Variants in CELF4 observed in about 807,000 individuals in gnomAD.
CELF4 encodes the protein CUG-BP- and ETR-3-like factor 4.
CELF4 carries 18 observed loss-of-function variants against 59.9 expected under a neutral mutation model. That is an observed-to-expected ratio of 0.30 (90% CI 0.21 to 0.45). The LOEUF is 0.45. Ranked by LOEUF, CELF4 falls within the 20% of genes least tolerant of loss-of-function variation. CELF4 has a pLI of 1.00. For missense variants in CELF4, 456 were observed against 689.0 expected (o/e 0.66, Z 3.79); for synonymous variants, 261 against 267.1 (o/e 0.98, Z 0.22).
At chr18:37,401,816 C>T (rs1180565729) in intron 2 of CELF4, among the ~76,000 whole-genome samples, 1 of 152,198 alleles carries the variant, frequency 6.6e-6, no homozygotes, top group Non-Finnish European at 1.5e-5. Flanking sequence ...TCTCACTTCC[C>T]TAGGGGCTGC....
At chr18:37,541,633 C>A (rs1040730334) in intron 1 of CELF4, among the ~76,000 whole-genome samples, 1 of 152,148 alleles carries the variant, frequency 6.6e-6, no homozygotes, top group Non-Finnish European at 1.5e-5. Context: ...CTGATACAAC[C>A]TGCCCCCACC....
intron 2 of CELF4, among the ~76,000 whole-genome samples, chr18:37,431,878 C>T (rs1443026743): frequency 6.6e-6 from 1 of 152,206 alleles, no homozygotes; most frequent in Non-Finnish European, 1.5e-5. Context: ...AAACTGAGGT[C>T]CCAGGAGGCA....
In CELF4 at chr18:37,444,183, C is replaced by G. The variant is rs537688676; in HGVS notation, c.369+41342G>C. On this transcript the variant is annotated intron_variant, in intron 2 of 12. Transcript: ENST00000420428. ...CCAAGTTCCTACTATGTGTGAGACCCTGACCCTGAGCCCATTCTCTTGACC... is the reference window on the plus strand; with the variant it reads ...CCAAGTTCCTACTATGTGTGAGACCGTGACCCTGAGCCCATTCTCTTGACC... Among the ~76,000 whole-genome samples, 4 of 152,260 alleles carry G rather than the reference C, an allele frequency of 2.6e-5. No individual in the cohort carries two copies. In the South Asian group the frequency reaches 8.3e-4, roughly 32 times the overall value.
At chr18:37,386,788 AAAG>A (rs1460713402) in intron 2 of CELF4, among the ~76,000 whole-genome samples, 1 of 152,202 alleles carries the variant, frequency 6.6e-6, no homozygotes, top group East Asian at 1.9e-4. Context: ...CTAGGGTTTC[AAAG>A]AAGAAGCCCT....
At position 37,527,317 on chromosome 18, in the gene CELF4, G is replaced by A. The variant is rs185093259; in HGVS notation, c.286+38039C>T. Among the ~76,000 whole-genome samples, 613 of 151,770 alleles carry A rather than the reference G, an allele frequency of 4.0e-3. 3 individuals are homozygous for A. Among genetic ancestry groups the A allele is most frequent in the Non-Finnish European group, 5.7e-3 (387 of 67,958 alleles). ...CTAGAGAAGGGTCACCAGCCCAGAC[G>A]GACCCAAGCAGGAGAGGAGCTCGAG... On this transcript the variant is annotated intron_variant, in intron 1 of 12. Coordinates refer to ENST00000420428, the MANE Select transcript of CELF4 (RefSeq NM_020180.4).
In CELF4 at chr18:37,464,550, C is replaced by A. The variant is rs538747730; in HGVS notation, c.369+20975G>T. ...CTTTGTCCATTTCTGTCCCATGACT[C>A]AGGACTCTGCCTGGGGTGGGCTTGG... On this transcript the variant is annotated intron_variant, in intron 2 of 12. Coordinates refer to ENST00000420428, the MANE Select transcript of CELF4 (RefSeq NM_020180.4). 8.5e-5 allele frequency among the ~76,000 whole-genome samples: 13 copies of A among 152,316 alleles called. No homozygotes were observed. In the East Asian group the frequency reaches 2.5e-3, roughly 29 times the overall value.
chr18:37,442,231 T>C (rs2099732177), intron 2 of CELF4, among the ~76,000 whole-genome samples: 1 of 152,112 alleles, frequency 6.6e-6, no homozygotes, highest in Non-Finnish European at 1.5e-5. Context: ...ATGACGAACA[T>C]GGCTTCTGTA....
chr18:37,552,879 A>G (rs2099983670), intron 1 of CELF4, among the ~76,000 whole-genome samples: 1 of 152,130 alleles, frequency 6.6e-6, no homozygotes, highest in African/African-American at 2.4e-5. Context: ...GCCCTTCAGG[A>G]GTGTGATCTC....
At chr18:37,332,622 C>T (rs1482023068) in intron 2 of CELF4, among the ~76,000 whole-genome samples, 1 of 152,188 alleles carries the variant, frequency 6.6e-6, no homozygotes, top group South Asian at 2.1e-4. Flanking sequence ...TCACAGTGGT[C>T]AAAGATCCCT....
intron 2 of CELF4, among the ~76,000 whole-genome samples, chr18:37,368,184 G>C (rs536509664): frequency 6.6e-6 from 1 of 152,000 alleles, no homozygotes; most frequent in African/African-American, 2.4e-5. Context: ...TCAATCCTTC[G>C]GGCGAGAACT....
chr18:37,357,773 A>T (rs907346585), intron 2 of CELF4, among the ~76,000 whole-genome samples: 2 of 152,238 alleles, frequency 1.3e-5, no homozygotes, highest in Non-Finnish European at 2.9e-5. Flanking sequence ...TACCTCTTGC[A>T]TCAGCATGAC....
intron 2 of CELF4, among the ~76,000 whole-genome samples, chr18:37,364,733 T>C (rs2098753635): frequency 6.6e-6 from 1 of 152,216 alleles, no homozygotes; most frequent in Non-Finnish European, 1.5e-5. Flanking sequence ...AGTAGAACCA[T>C]ACTCAAATGC....
At chr18:37,510,524 C>T (rs188567534) in intron 1 of CELF4, among the ~76,000 whole-genome samples, 13 of 152,326 alleles carry the variant, frequency 8.5e-5, no homozygotes, top group East Asian at 5.8e-4. Flanking sequence ...CTGTGCAATC[C>T]GTCTCTGCTC....
At chr18:37,548,140 CTG>C (rs368524105) in intron 1 of CELF4, among the ~76,000 whole-genome samples, 10 of 150,950 alleles carry the variant, frequency 6.6e-5, no homozygotes, top group East Asian at 1.9e-4. Flanking sequence ...GTACACATCT[CTG>C]TGTGTGTGTG....
intron 1 of CELF4, among the ~76,000 whole-genome samples, chr18:37,504,217 A>G (rs1284114699): frequency 1.3e-5 from 2 of 152,258 alleles, no homozygotes; most frequent in East Asian, 3.9e-4. Flanking sequence ...ACGGCCGGGC[A>G]CAGTGGCTCA....
intron 10 of CELF4, among the ~76,000 whole-genome samples, chr18:37,263,794 C>T (rs2076090393): frequency 6.6e-6 from 1 of 152,058 alleles, no homozygotes; most frequent in Admixed American, 6.5e-5. Context: ...GGGGCATTCT[C>T]ATCTCTTCTC....
At chr18:37,564,048 C>G (rs1315399838) in intron 1 of CELF4, among the ~76,000 whole-genome samples, 3 of 152,164 alleles carry the variant, frequency 2.0e-5, no homozygotes, top group African/African-American at 7.2e-5. Flanking sequence ...TGAGGCTGCT[C>G]TCTATGTGGG....
At chr18:37,413,153 C>T (rs912678469) in intron 2 of CELF4, among the ~76,000 whole-genome samples, 1 of 152,248 alleles carries the variant, frequency 6.6e-6, no homozygotes, top group South Asian at 2.1e-4. Flanking sequence ...ACATATTGAC[C>T]CTGGGAGCCA....
At chr18:37,431,432 A>G (rs571257790) in intron 2 of CELF4, among the ~76,000 whole-genome samples, 20 of 145,342 alleles carry the variant, frequency 1.4e-4, no homozygotes, top group Non-Finnish European at 2.7e-4. Context: ...CAGTGGTGCA[A>G]TCTCAGCTCA....
Sources: gnomAD v4.1 joint callset for allele counts (sites outside exome capture counted in the v4.1 genomes callset) on GRCh38, gnomAD v4.1.1 for gene constraint, MANE v1.5 for transcripts, NCBI Gene and HGNC (gene_info 2026-07-23, HGNC 2026-07-21) for gene names.